Variants in SPEF2 observed in about 807,000 individuals in gnomAD.
SPEF2 encodes sperm flagella and cilia-associated protein 2.
Under a neutral mutation model 224.6 loss-of-function variants are expected in SPEF2, and 187 were observed. The observed-to-expected ratio is 0.83, with a 90% CI of 0.74 to 0.94. SPEF2 has a LOEUF of 0.94. Ranked by LOEUF, SPEF2 falls within the 40% of genes least tolerant of loss-of-function variation. The probability of loss-of-function intolerance (pLI) is 0.00; values close to 1 mark genes in which losing one functional copy is unlikely to be tolerated. For missense variants in SPEF2, 2,170 were observed against 2,135.6 expected, an observed-to-expected ratio of 1.02 and a Z score of -0.32; for synonymous variants, 715 against 707.3, an observed-to-expected ratio of 1.01 and a Z score of -0.17.
intron 10 of SPEF2, chr5:35,670,763 T>C: frequency 1.0e-6 from 1 of 984,966 alleles, no homozygotes; most frequent in Non-Finnish European, 1.2e-6. Context: ...TTAGACAGAC[T>C]AGAGCTACAT....
intron 21 of SPEF2, among the ~76,000 whole-genome samples, chr5:35,732,663 G>T (rs955257037): frequency 1.3e-5 from 2 of 152,254 alleles, no homozygotes; most frequent in Middle Eastern, 6.8e-3. Context: ...CATTTATTGA[G>T]CACCCATTAT....
intron 11 of SPEF2, 41 bp from the exon 12 acceptor site, chr5:35,692,529 C>T: frequency 6.7e-7 from 1 of 1,486,524 alleles, no homozygotes; most frequent in Non-Finnish European, 9.1e-7. Flanking sequence ...TTCCATTTCC[C>T]AAATGAAAAG....
At chr5:35,793,455 T>C in intron 32 of SPEF2, 114 bp downstream of exon 32, 1 of 1,057,130 alleles carries the variant, frequency 9.5e-7, no homozygotes, top group Non-Finnish European at 1.3e-6. Context: ...GCTTCTCAGC[T>C]CCCCATGTCT....
At position 35,646,789 on chromosome 5, in the gene SPEF2, A is replaced by G. The variant is rs764621849; in HGVS notation, c.708A>G (p.Lys236=). The change falls in exon 5 of 37, where the codon AAA becomes AAG. Residue 236 remains lysine, a synonymous_variant. Coordinates refer to ENST00000356031, the MANE Select transcript of SPEF2 (RefSeq NM_024867.4). ...CACTCGAGGCCCAAAAAATGATGAA[A>G]AAGAAAAAAGAGGCAGAAGTAAGTG... ...LKALEAQKMM[K]KKKEAEDVAD... 1 of 1,613,892 alleles carries G rather than the reference A, an allele frequency of 6.2e-7. No homozygotes were observed. The highest frequency in any genetic ancestry group is 8.5e-7 in the Non-Finnish European group (1 of 1,179,872).
chr5:35,701,235 T>C (rs1738561382), intron 16 of SPEF2, among the ~76,000 whole-genome samples: 1 of 152,226 alleles, frequency 6.6e-6, no homozygotes, highest in African/African-American at 2.4e-5. Flanking sequence ...ATTCATAGTT[T>C]AACTGTTTTT....
At chr5:35,691,350 C>A in intron 11 of SPEF2, 94 bp downstream of exon 11, 1 of 955,876 alleles carries the variant, frequency 1.0e-6, no homozygotes, top group Non-Finnish European at 1.6e-6. Flanking sequence ...ATACAAGAAG[C>A]ACTGCTGATA....
At chr5:35,711,444 A>G (rs1013722817) in intron 19 of SPEF2, among the ~76,000 whole-genome samples, 1 of 152,122 alleles carries the variant, frequency 6.6e-6, no homozygotes, top group Non-Finnish European at 1.5e-5. Flanking sequence ...GAAAAACTCC[A>G]TAGTTATGTT....
chr5:35,795,244 T>A lies in SPEF2; in HGVS notation c.4738-459T>A, dbSNP rs1031688254. Reference sequence around the variant, plus strand: ...ACAAAGAGTTTTCTAAAACTAGCAATGTACACCAGCACCATGCAAGTCTCC... The same window carrying A: ...ACAAAGAGTTTTCTAAAACTAGCAAAGTACACCAGCACCATGCAAGTCTCC... On this transcript the variant is annotated intron_variant, in intron 32 of 36. Transcript: ENST00000356031. Among the ~76,000 whole-genome samples the A allele has an allele frequency of 2.6e-5, 4 of 151,798 alleles. No homozygotes were observed. The East Asian group carries it at 5.8e-4, about 22-fold the overall frequency.
At chr5:35,742,057 T>C (rs1747735645) in intron 23 of SPEF2, among the ~76,000 whole-genome samples, 1 of 152,252 alleles carries the variant, frequency 6.6e-6, no homozygotes, top group African/African-American at 2.4e-5. Flanking sequence ...TGGTTGTTTT[T>C]ACAAAAATTT....
chr5:35,700,313 G>A (rs1738347669), intron 15 of SPEF2, 183 bp from the exon 16 acceptor site: 1 of 625,166 alleles, frequency 1.6e-6, no homozygotes, highest in Non-Finnish European at 2.8e-6. Flanking sequence ...ATCCACAGAA[G>A]TATTTTTAAG....
chr5:35,725,243 G>C (rs2149647759), intron 20 of SPEF2, among the ~76,000 whole-genome samples: 1 of 152,232 alleles, frequency 6.6e-6, no homozygotes, highest in Admixed American at 6.5e-5. Context: ...GGCAGCCCAG[G>C]CAGCCATTAG....
intron 36 of SPEF2, among the ~76,000 whole-genome samples, chr5:35,813,176 T>C (rs1453215355): frequency 1.3e-5 from 2 of 152,134 alleles, no homozygotes; most frequent in Non-Finnish European, 2.9e-5. Context: ...ATAAACATAC[T>C]ATATAAAGAA....
At chr5:35,797,752 T>G (rs530101454) in intron 33 of SPEF2, among the ~76,000 whole-genome samples, 1 of 152,332 alleles carries the variant, frequency 6.6e-6, no homozygotes, top group East Asian at 1.9e-4. Context: ...GATGTTTGTT[T>G]ACTTATTTGG....
Position 35,626,389 on chromosome 5 carries a change from A to T in SPEF2, c.59-2071A>T, listed in dbSNP as rs146613844. 7.9e-3 allele frequency among the ~76,000 whole-genome samples: 1,210 copies of T among 152,258 alleles called. 20 individuals are homozygous for T. Among genetic ancestry groups the T allele is most frequent in the African/African-American group, 0.028 (1,142 of 41,524 alleles). ...TTTGTGGAAAAGCTTACTAAAATCC[A>T]CTAATAGGTGCCAGACTGTGGACTT... On this transcript the variant is annotated intron_variant, in intron 1 of 36. Transcript: ENST00000356031.
chr5:35,751,327 AG>A (rs1331236568), intron 23 of SPEF2, among the ~76,000 whole-genome samples: 2 of 140,612 alleles, frequency 1.4e-5, no homozygotes, highest in Non-Finnish European at 3.1e-5. Context: ...GAAGAGTGGG[AG>A]GGGGGTGAAG....
At chr5:35,648,768 C>T (rs1225856076) in intron 5 of SPEF2, among the ~76,000 whole-genome samples, 1 of 152,104 alleles carries the variant, frequency 6.6e-6, no homozygotes. Flanking sequence ...AAATATTTGA[C>T]TTTGGAAGGC....
At chr5:35,807,304 A>AG in intron 36 of SPEF2, 51 bp downstream of exon 36, 1 of 1,569,410 alleles carries the variant, frequency 6.4e-7, no homozygotes, top group Middle Eastern at 1.7e-4. Context: ...AGTTCAGGAC[A>AG]TGCTAGGATG....
chr5:35,639,149 T>C (rs375938954), intron 2 of SPEF2, among the ~76,000 whole-genome samples: 30 of 152,308 alleles, frequency 2.0e-4, no homozygotes, highest in East Asian at 7.7e-4. Flanking sequence ...GTAGATTTCA[T>C]ACTCTTGTTC....
At chr5:35,725,511 C>T (rs1022269919) in intron 20 of SPEF2, among the ~76,000 whole-genome samples, 32 of 152,294 alleles carry the variant, frequency 2.1e-4, no homozygotes, top group African/African-American at 7.7e-4. Flanking sequence ...CCAATCCTTT[C>T]ACCTCCCTGA....
Sources: allele counts gnomAD v4.1 joint callset (sites outside exome capture counted in the v4.1 genomes callset), GRCh38; gene constraint gnomAD v4.1.1; transcripts MANE v1.5; gene names NCBI Gene and HGNC (gene_info 2026-07-23, HGNC 2026-07-21).